The following GLIS3 variants were observed in gnomAD, a reference collection of about 807,000 sequenced individuals.
GLIS3 encodes GLIS family zinc finger 3.
Under a neutral mutation model 78.6 loss-of-function variants are expected in GLIS3, and 53 were observed. That is an observed-to-expected ratio of 0.67 (90% CI 0.54 to 0.85). The LOEUF (loss-of-function observed/expected upper bound fraction) is 0.85, where lower values mean the gene tolerates loss of function less well. GLIS3 is among the 40% of genes least tolerant of loss of function. The pLI is 0.00. For missense variants in GLIS3, 1,703 were observed against 1,231.1 expected, an observed-to-expected ratio of 1.38 and a Z score of -5.74; for synonymous variants, 684 against 509.9, an observed-to-expected ratio of 1.34 and a Z score of -4.60.
intron 4 of GLIS3, among the ~76,000 whole-genome samples, chr9:3,963,818 G>A (rs1422221773): frequency 6.6e-6 from 1 of 151,964 alleles, no homozygotes; most frequent in African/African-American, 2.4e-5. Context: ...TACAGAAACT[G>A]TAAATAAGCC....
chr9:4,203,824 G>C (rs1431108761), intron 2 of GLIS3, among the ~76,000 whole-genome samples: 1 of 152,182 alleles, frequency 6.6e-6, no homozygotes, highest in Admixed American at 6.5e-5. Context: ...GATGCAGCTG[G>C]AGGCCATTAT....
At chr9:4,304,842 G>A (rs1001043055), upstream of GLIS3, among the ~76,000 whole-genome samples, 5 of 152,240 alleles carry the variant, frequency 3.3e-5, no homozygotes, top group Admixed American at 6.5e-5. Flanking sequence ...AACTTCTTAC[G>A]ATGTTAAAAG....
At chr9:4,262,481 C>T (rs936254792) in intron 2 of GLIS3, among the ~76,000 whole-genome samples, 5 of 151,926 alleles carry the variant, frequency 3.3e-5, no homozygotes, top group Admixed American at 6.6e-5. Context: ...GTCACTCTGG[C>T]GTCTCAGGTA....
At chr9:4,088,597 T>C (rs918149970) in intron 4 of GLIS3, among the ~76,000 whole-genome samples, 1 of 152,242 alleles carries the variant, frequency 6.6e-6, no homozygotes. Flanking sequence ...CTAATCCCCA[T>C]TGTAGATGGA....
At chr9:4,091,876 T>C (rs979717433) in intron 4 of GLIS3, among the ~76,000 whole-genome samples, 7 of 152,148 alleles carry the variant, frequency 4.6e-5, no homozygotes, top group African/African-American at 1.7e-4. Context: ...TATCCAAACA[T>C]ACTATGGTAT....
chr9:3,824,638 A>C lies in GLIS3; in HGVS notation c.*3634T>G, dbSNP rs1817630444. 1 of 152,634 alleles carries C rather than the reference A, an allele frequency of 6.6e-6. No individual in the cohort carries two copies. The highest frequency in any genetic ancestry group is 2.4e-5 in the African/African-American group (1 of 41,442). 9.5% of individuals were successfully genotyped at this position (152,634 alleles called of 1,614,324 possible). ...CATATTAATAGAAAAAAGTGTACCT[A>C]ATTCTTTAAAAGATTTATGACAATA... On this transcript the variant is annotated 3_prime_UTR_variant, in exon 11 of 11. Transcript: ENST00000381971.
chr9:3,998,227 GT>G (rs1820876433), intron 4 of GLIS3, among the ~76,000 whole-genome samples: 6 of 152,130 alleles, frequency 3.9e-5, no homozygotes, highest in Admixed American at 2.6e-4. Flanking sequence ...TGTATAAAAA[GT>G]ACTGTTTCCT....
chr9:3,848,354 T>C (rs56387536), intron 9 of GLIS3, among the ~76,000 whole-genome samples: 35,445 of 151,778 alleles, frequency 0.23, 5,129 homozygotes, highest in Middle Eastern at 0.33. Flanking sequence ...TACAAAAAAT[T>C]AGCTGGGCGT....
At chr9:4,072,246 C>A (rs565815928) in intron 4 of GLIS3, among the ~76,000 whole-genome samples, 1 of 152,310 alleles carries the variant, frequency 6.6e-6, no homozygotes, top group Admixed American at 6.5e-5. Flanking sequence ...TTAGGCTTGA[C>A]CATTTTCTAA....
intron 2 of GLIS3, among the ~76,000 whole-genome samples, chr9:4,272,749 T>G (rs558478811): frequency 5.3e-5 from 8 of 152,342 alleles, no homozygotes; most frequent in African/African-American, 1.9e-4. Flanking sequence ...GCTAATCCTT[T>G]CAAGTAGGTT....
rs780057831 is a variant in GLIS3, at chr9:4,118,710, G to A, written c.768C>T (p.Pro256=). The change falls in exon 4 of 11, where the codon CCC becomes CCT. Residue 256 remains proline, a synonymous_variant. Coordinates refer to ENST00000381971, the MANE Select transcript of GLIS3 (RefSeq NM_001042413.2). This position sits in a 1 kb window ranked among gnomAD's most constrained non-coding sequence, Gnocchi z 4.7. The part of the protein sequence containing the change: ...LDLGDLLSLP[P]GTSMSSNSVS... ...CACTATTGCTGGACATGGATGTCCC[G>A]GGAGGAAGGCTAAGGAGATCCCCTA... 1.1e-5 allele frequency: 17 copies of A among 1,613,936 alleles called. No individual in the cohort carries two copies. The highest frequency in any genetic ancestry group is 1.4e-5 in the Non-Finnish European group (17 of 1,180,018).
At chr9:3,991,058 C>G (rs772666637) in intron 4 of GLIS3, among the ~76,000 whole-genome samples, 1 of 152,196 alleles carries the variant, frequency 6.6e-6, no homozygotes, top group Non-Finnish European at 1.5e-5. Context: ...TTTATCACAA[C>G]TAATTCTCAA....
At chr9:4,178,914 A>T (rs1175589400) in intron 2 of GLIS3, among the ~76,000 whole-genome samples, 2 of 152,198 alleles carry the variant, frequency 1.3e-5, no homozygotes, top group African/African-American at 2.4e-5. Context: ...AAGGGGTTTT[A>T]TTATTTGGGT....
intron 2 of GLIS3, among the ~76,000 whole-genome samples, chr9:4,222,077 G>C (rs759883631): frequency 6.6e-6 from 1 of 152,166 alleles, no homozygotes; most frequent in Non-Finnish European, 1.5e-5. Flanking sequence ...GATTTATCTG[G>C]TTTTGACCAT....
chr9:4,065,377 C>A (rs987283108), intron 4 of GLIS3, among the ~76,000 whole-genome samples: 8 of 152,210 alleles, frequency 5.3e-5, no homozygotes, highest in Non-Finnish European at 1.0e-4. Context: ...TTTATTTTAA[C>A]ACACTGTATA....
rs574346382 is a variant in GLIS3 at position 4,280,997 on chromosome 9, G to A, written c.388+5041C>T. On this transcript the variant is annotated intron_variant, in intron 2 of 10. Coordinates refer to ENST00000381971, the MANE Select transcript of GLIS3 (RefSeq NM_001042413.2). ...AGTAATTTTTTCTTGGTTCCCCTAG[G>A]CCAAAAGAAACACCTAAAGTTGCAT... Among the ~76,000 whole-genome samples the A allele has an allele frequency of 6.6e-5, 10 of 152,210 alleles. No individual in the cohort carries two copies. In the South Asian group the frequency reaches 1.5e-3, roughly 22 times the overall value.
the GLIS3 span, among the ~76,000 whole-genome samples, chr9:4,425,987 C>A: frequency 6.6e-6 from 1 of 152,128 alleles, no homozygotes; most frequent in Non-Finnish European, 1.5e-5. Context: ...TGATCAAGTA[C>A]CCTTAGAGAA....
At chr9:3,881,225 A>G (rs931012502) in intron 7 of GLIS3, among the ~76,000 whole-genome samples, 4 of 152,192 alleles carry the variant, frequency 2.6e-5, no homozygotes, top group African/African-American at 9.7e-5. Flanking sequence ...CTATTCCAAA[A>G]TCTAATGGAA....
chr9:3,923,229 A>G (rs963899435), intron 6 of GLIS3, among the ~76,000 whole-genome samples: 2 of 152,166 alleles, frequency 1.3e-5, no homozygotes, highest in Admixed American at 6.6e-5. Context: ...TCTCTAAATC[A>G]CAGATCTGAC....
Sources: gnomAD v4.1 joint callset for allele counts (sites outside exome capture counted in the v4.1 genomes callset) on GRCh38, gnomAD v4.1.1 for gene constraint, Gnocchi (gnomAD v3.1) non-coding constraint, MANE v1.5 for transcripts, NCBI Gene and HGNC (gene_info 2026-07-23, HGNC 2026-07-21) for gene names.